Variants in ATP2B2 observed in about 807,000 individuals in gnomAD.
ATP2B2 encodes the protein ATPase plasma membrane Ca2+ transporting 2.
A neutral mutation model predicts 120.0 loss-of-function variants in ATP2B2; 15 were observed. The ratio of observed to expected loss-of-function variants is 0.12; its 90% CI spans 0.08 to 0.19. The LOEUF is 0.19. Ranked by LOEUF, ATP2B2 falls within the 10% of genes least tolerant of loss-of-function variation. ATP2B2 has a pLI of 1.00. For synonymous variants in ATP2B2, 694 were observed against 700.3 expected (o/e 0.99, Z 0.14); for missense variants, 1,045 against 1,719.8 (o/e 0.61, Z 6.94).
intron 2 of ATP2B2, among the ~76,000 whole-genome samples, chr3:10,600,404 C>A (rs188601308): frequency 6.6e-6 from 1 of 152,290 alleles, no homozygotes; most frequent in Admixed American, 6.5e-5. Flanking sequence ...GTCCAGACAT[C>A]GGACTTCCAT....
At chr3:10,468,338 G>T (rs774685750) in intron 1 of ATP2B2, among the ~76,000 whole-genome samples, 2 of 152,244 alleles carry the variant, frequency 1.3e-5, no homozygotes, top group Non-Finnish European at 2.9e-5. Context: ...TGAGGGGTGG[G>T]AAGCAGATGG....
chr3:10,345,398 C>T lies in ATP2B2; in HGVS notation c.2689G>A (p.Ala897Thr), dbSNP rs566780843. The T allele has an allele frequency of 2.5e-6, 4 of 1,614,176 alleles. No homozygotes were observed. The highest frequency in any genetic ancestry group is 1.7e-5 in the Admixed American group (1 of 60,028). ...TGCGGACCCACCTGCGTGATGCAGG[C>T]GCCTGTGAAGGCCACAATCACGGCC... Reference protein sequence around the residue: ...VVAVIVAFTGACITQDSPLKA... With the variant: ...VVAVIVAFTGTCITQDSPLKA... Residue 897 changes from alanine to threonine, a missense_variant, in exon 18 of 23, where the codon GCC becomes ACC. By Grantham distance (58) the Ala-to-Thr change is moderately conservative. This residue lies in a region of ATP2B2 where 98 missense variants were observed against 266.7 expected (regional missense o/e 0.37). Transcript: ENST00000360273.
intron 14 of ATP2B2, among the ~76,000 whole-genome samples, chr3:10,355,792 GGC>G (rs2060701057): frequency 2.4e-4 from 6 of 25,334 alleles, no homozygotes; most frequent in Non-Finnish European, 3.1e-4. Flanking sequence ...TGTCCTTTCC[GGC>G]CGGGCGCGGT....
At chr3:10,333,498 G>C (rs1460178913) in intron 22 of ATP2B2, among the ~76,000 whole-genome samples, 3 of 152,128 alleles carry the variant, frequency 2.0e-5, no homozygotes, top group African/African-American at 7.2e-5. Flanking sequence ...TTGGAGACCA[G>C]AGGAGGCAGC....
At chr3:10,422,110 G>A (rs2063000590) in intron 2 of ATP2B2, among the ~76,000 whole-genome samples, 1 of 152,156 alleles carries the variant, frequency 6.6e-6, no homozygotes, top group Non-Finnish European at 1.5e-5. Context: ...CCTAGAGGGA[G>A]GCTGCTTCCA....
chr3:10,413,784 C>A (rs1299065250), intron 2 of ATP2B2, among the ~76,000 whole-genome samples: 1 of 152,226 alleles, frequency 6.6e-6, no homozygotes, highest in African/African-American at 2.4e-5. Context: ...TTCCTTTAGA[C>A]TTTCTGGGAG....
At chr3:10,357,476 C>T (rs556458814) in intron 14 of ATP2B2, among the ~76,000 whole-genome samples, 51 of 152,266 alleles carry the variant, frequency 3.3e-4, no homozygotes, top group African/African-American at 1.2e-3. Context: ...AATCTTATAA[C>T]ATCAGGGCCA....
chr3:10,542,424 T>C (rs769220642), intron 2 of ATP2B2, among the ~76,000 whole-genome samples: 13 of 152,216 alleles, frequency 8.5e-5, no homozygotes, highest in South Asian at 4.1e-4. Context: ...ACCCATATTT[T>C]TGCTTATCAT....
At chr3:10,686,384 G>A (rs1452552805) in intron 1 of ATP2B2, among the ~76,000 whole-genome samples, 1 of 152,218 alleles carries the variant, frequency 6.6e-6, no homozygotes. Context: ...GCTGGGCGTG[G>A]TGGCTCAGGC....
intron 1 of ATP2B2, among the ~76,000 whole-genome samples, chr3:10,695,075 G>A (rs1424729565): frequency 6.6e-6 from 1 of 152,114 alleles, no homozygotes; most frequent in African/African-American, 2.4e-5. Flanking sequence ...ACTGCTGTAT[G>A]AGTCTGTTTT....
chr3:10,468,112 G>A (rs957201547), intron 1 of ATP2B2, among the ~76,000 whole-genome samples: 1 of 152,214 alleles, frequency 6.6e-6, no homozygotes, highest in Non-Finnish European at 1.5e-5. Context: ...GAAGTGGGAG[G>A]CGGGGTTCTG....
chr3:10,705,461 A>C (rs1452084801), intron 1 of ATP2B2, among the ~76,000 whole-genome samples: 1 of 152,230 alleles, frequency 6.6e-6, no homozygotes, highest in Non-Finnish European at 1.5e-5. Flanking sequence ...CCTGCTCCAG[A>C]AAGCTGCCTC....
intron 2 of ATP2B2, among the ~76,000 whole-genome samples, chr3:10,433,931 G>A (rs2063399216): frequency 6.6e-6 from 1 of 151,276 alleles, no homozygotes; most frequent in Admixed American, 6.6e-5. Context: ...GCTTTGTGAA[G>A]AAGAATATCT....
chr3:10,650,772 G>A (rs895070822), intron 1 of ATP2B2, among the ~76,000 whole-genome samples: 9 of 152,146 alleles, frequency 5.9e-5, no homozygotes, highest in East Asian at 5.8e-4. Flanking sequence ...AGCTTGCACC[G>A]TGCACCTGGA....
chr3:10,486,324 C>CGTGTGTGCGTGTGTGT (rs763360449), intron 1 of ATP2B2, among the ~76,000 whole-genome samples: 115 of 117,172 alleles, frequency 9.8e-4, no homozygotes, highest in Middle Eastern at 8.7e-3. Flanking sequence ...TGTGTGCGTG[C>CGTGTGTGCGTGTGTGT]GTGTGTGTGT....
At chr3:10,489,722 A>G (rs904308149) in intron 1 of ATP2B2, among the ~76,000 whole-genome samples, 9 of 151,708 alleles carry the variant, frequency 5.9e-5, no homozygotes, top group African/African-American at 1.5e-4. Flanking sequence ...CCTGCCTTCA[A>G]CTCAGCCTCT....
At chr3:10,494,770 T>C (rs750035908) in intron 1 of ATP2B2, among the ~76,000 whole-genome samples, 3 of 152,216 alleles carry the variant, frequency 2.0e-5, no homozygotes, top group Non-Finnish European at 4.4e-5. Context: ...CCCCACATGC[T>C]GCTACCTGGG....
chr3:10,475,972 A>T (rs1331478368), intron 1 of ATP2B2, among the ~76,000 whole-genome samples: 1 of 152,146 alleles, frequency 6.6e-6, no homozygotes, highest in Non-Finnish European at 1.5e-5. Flanking sequence ...TCCCACTCAG[A>T]TCAGCCAGGT....
intron 2 of ATP2B2, among the ~76,000 whole-genome samples, chr3:10,616,475 T>C (rs2069389857): frequency 6.6e-6 from 1 of 152,216 alleles, no homozygotes; most frequent in Non-Finnish European, 1.5e-5. Flanking sequence ...CTCCAGTCTG[T>C]GGCACTTTGT....
Sources: allele counts gnomAD v4.1 joint callset (sites outside exome capture counted in the v4.1 genomes callset), GRCh38; gene constraint gnomAD v4.1.1; regional missense constraint gnomAD v4.1.1; transcripts MANE v1.5; gene names NCBI Gene and HGNC (gene_info 2026-07-23, HGNC 2026-07-21).